Variants in ZNF532 observed in about 807,000 individuals in gnomAD.
ZNF532 encodes the protein zinc finger protein 532.
A neutral mutation model predicts 89.3 loss-of-function variants in ZNF532; 22 were observed. The observed-to-expected ratio is 0.25, with a 90% confidence interval of 0.18 to 0.35. The LOEUF is 0.35. Among genes scored for constraint, ZNF532 ranks in the 10% least tolerant of loss-of-function variants. The probability of loss-of-function intolerance (pLI) is 1.00; values close to 1 mark genes in which losing one functional copy is unlikely to be tolerated. For missense variants in ZNF532, 1,132 were observed against 1,643.4 expected, an observed-to-expected ratio of 0.69 and a Z score of 5.38; for synonymous variants, 606 against 649.6, an observed-to-expected ratio of 0.93 and a Z score of 1.02.
At chr18:58,916,485 T>C (rs1216391543) in intron 2 of ZNF532, among the ~76,000 whole-genome samples, 12 of 152,108 alleles carry the variant, frequency 7.9e-5, no homozygotes, top group Non-Finnish European at 1.3e-4. Flanking sequence ...GGGTATGTTA[T>C]TCCCCCTCTG....
intron 7 of ZNF532, among the ~76,000 whole-genome samples, chr18:58,971,372 GTC>G (rs2066460891): frequency 6.6e-6 from 1 of 152,180 alleles, no homozygotes; most frequent in Non-Finnish European, 1.5e-5. Flanking sequence ...ATTGAGACTT[GTC>G]TCTATTTTCT....
intron 2 of ZNF532, among the ~76,000 whole-genome samples, chr18:58,889,901 G>T (rs1254361700): frequency 6.6e-6 from 1 of 152,064 alleles, no homozygotes; most frequent in African/African-American, 2.4e-5. Flanking sequence ...GGCCAACATG[G>T]TGAAACCCTG....
intron 9 of ZNF532, among the ~76,000 whole-genome samples, chr18:58,983,124 A>T (rs2068018016): frequency 1.3e-5 from 2 of 152,136 alleles, no homozygotes; most frequent in African/African-American, 2.4e-5. Context: ...AAAAAAAGAA[A>T]GTGTGTGCAA....
intron 2 of ZNF532, among the ~76,000 whole-genome samples, chr18:58,917,871 A>T (rs1189050181): frequency 1.3e-5 from 2 of 152,188 alleles, no homozygotes; most frequent in Admixed American, 1.3e-4. Context: ...GGTGACGATG[A>T]TAGTGATAAT....
intron 2 of ZNF532, among the ~76,000 whole-genome samples, chr18:58,910,429 T>A (rs911387994): frequency 6.6e-6 from 1 of 152,226 alleles, no homozygotes; most frequent in African/African-American, 2.4e-5. Context: ...TTCCTGGTTT[T>A]TATTTTTAAA....
chr18:58,870,991 A>G (rs544849713), intron 2 of ZNF532, among the ~76,000 whole-genome samples: 1 of 152,120 alleles, frequency 6.6e-6, no homozygotes, highest in Non-Finnish European at 1.5e-5. Flanking sequence ...GATTGGTAGT[A>G]ATGAACATAA....
chr18:58,881,548 G>GT (rs1227980181), intron 2 of ZNF532, among the ~76,000 whole-genome samples: 1 of 152,212 alleles, frequency 6.6e-6, no homozygotes, highest in Non-Finnish European at 1.5e-5. Flanking sequence ...CATCTGTCTT[G>GT]TTATCACCTA....
chr18:58,975,402 A>C (rs928448505), intron 7 of ZNF532, among the ~76,000 whole-genome samples: 1 of 152,154 alleles, frequency 6.6e-6, no homozygotes, highest in Non-Finnish European at 1.5e-5. Flanking sequence ...TTCTCCCTCT[A>C]ACTTCCCCAA....
At chr18:58,957,160 C>T (rs1280339302) in intron 7 of ZNF532, among the ~76,000 whole-genome samples, 2 of 151,982 alleles carry the variant, frequency 1.3e-5, no homozygotes, top group Non-Finnish European at 2.9e-5. Context: ...TCTCTAATTC[C>T]TATGGGTTTA....
At position 58,984,622 on chromosome 18, in the gene ZNF532, C is replaced by G; in HGVS notation, c.*156C>G. 1 of 828,090 alleles carries G rather than the reference C, an allele frequency of 1.2e-6. No homozygotes were observed. Among genetic ancestry groups the G allele is most frequent in the South Asian group, 1.9e-5 (1 of 51,792 alleles). 51.3% of individuals were successfully genotyped at this position (828,090 alleles called of 1,614,324 possible). On this transcript the variant is annotated 3_prime_UTR_variant, in exon 10 of 10. Transcript: ENST00000591808. The stretch of plus-strand genomic sequence containing the variant: ...CTTCCTTCACCTCGTCGTATATATC[C>G]TCGATAAGTATTAAAACAGTATTTG...
intron 2 of ZNF532, among the ~76,000 whole-genome samples, chr18:58,882,738 C>A (rs1037763623): frequency 1.3e-5 from 2 of 152,184 alleles, no homozygotes; most frequent in African/African-American, 4.8e-5. Context: ...GAGACACCAT[C>A]CCCAGTCTCC....
At chr18:58,886,248 TGA>T (rs762620889) in intron 2 of ZNF532, among the ~76,000 whole-genome samples, 3 of 152,228 alleles carry the variant, frequency 2.0e-5, no homozygotes, top group Non-Finnish European at 4.4e-5. Context: ...CCCAAAGTGC[TGA>T]GATTACAGGC....
At chr18:58,946,980 T>C (rs1260739144) in intron 5 of ZNF532, among the ~76,000 whole-genome samples, 3 of 152,064 alleles carry the variant, frequency 2.0e-5, no homozygotes, top group Non-Finnish European at 4.4e-5. Flanking sequence ...TTAGGAGGCA[T>C]TCCGTTCTTC....
intron 2 of ZNF532, among the ~76,000 whole-genome samples, chr18:58,871,460 G>C (rs893341616): frequency 6.6e-6 from 1 of 152,192 alleles, no homozygotes; most frequent in Admixed American, 6.5e-5. Context: ...TGGTACCAGT[G>C]GGGAAACAGA....
intron 3 of ZNF532, among the ~76,000 whole-genome samples, chr18:58,924,398 GA>G (rs942907369): frequency 2.0e-5 from 3 of 152,196 alleles, no homozygotes; most frequent in African/African-American, 7.2e-5. Context: ...CTCATCACCC[GA>G]AGTGGATTCC....
intron 2 of ZNF532, chr18:58,916,569 A>C (rs1329307804): frequency 3.2e-6 from 1 of 313,266 alleles, no homozygotes; most frequent in Non-Finnish European, 4.6e-6. Context: ...CATCGAAAGA[A>C]AAGCACATGT....
chr18:58,903,333 T>C (rs557665212), intron 2 of ZNF532, among the ~76,000 whole-genome samples: 8 of 152,150 alleles, frequency 5.3e-5, no homozygotes, highest in Non-Finnish European at 1.2e-4. Flanking sequence ...CAGCTCATGG[T>C]TGGGGGCAGA....
chr18:58,919,569 G>A lies in ZNF532; in HGVS notation c.1282G>A (p.Val428Ile). Residue 428 changes from valine to isoleucine, a missense_variant, in exon 3 of 10, where the codon GTC becomes ATC. By Grantham distance (29) the Val-to-Ile change is conservative. This residue lies in a region of ZNF532 where 124 missense variants were observed against 191.6 expected (regional missense o/e 0.65). Transcript: ENST00000591808. The surrounding 1 kb of genome is among the most constrained non-coding windows in gnomAD (Gnocchi z 6.1). Reference protein sequence around the residue: ...SPPRAPLQSAVVTNAVSPAEL... With the variant: ...SPPRAPLQSAIVTNAVSPAEL... Reference sequence around the variant, plus strand: ...CCCCAGGGCGCCTCTCCAGTCTGCGGTCGTGACCAATGCAGTTTCCCCTGC... The same window carrying A: ...CCCCAGGGCGCCTCTCCAGTCTGCGATCGTGACCAATGCAGTTTCCCCTGC... 1 of 1,614,158 alleles carries A rather than the reference G, an allele frequency of 6.2e-7. No individual in the cohort carries two copies. The highest frequency in any genetic ancestry group is 8.5e-7 in the Non-Finnish European group (1 of 1,180,028).
chr18:58,956,018 T>A (rs2064737845), intron 7 of ZNF532, among the ~76,000 whole-genome samples: 1 of 152,254 alleles, frequency 6.6e-6, no homozygotes, highest in Non-Finnish European at 1.5e-5. Context: ...TTCGTGAGAT[T>A]TCTGTAACTA....
Sources: allele counts gnomAD v4.1 joint callset (sites outside exome capture counted in the v4.1 genomes callset), GRCh38; gene constraint gnomAD v4.1.1; regional missense constraint gnomAD v4.1.1; non-coding constraint Gnocchi (gnomAD v3.1); transcripts MANE v1.5; gene names NCBI Gene and HGNC (gene_info 2026-07-23, HGNC 2026-07-21).